Variants in ELFN1 observed in about 807,000 individuals in gnomAD.
The protein encoded by ELFN1 is protein ELFN1.
In ELFN1, 6 loss-of-function variants were observed where a neutral mutation model predicts 7.6. That is an observed-to-expected ratio of 0.79 (90% CI 0.43 to 1.56). ELFN1 has a LOEUF of 1.56. Ranked by LOEUF, ELFN1 falls within the 40% of genes most tolerant of loss-of-function variation. ELFN1 has a pLI of 0.01. For missense variants in ELFN1, 1,169 were observed against 1,232.2 expected (o/e 0.95, Z 0.77); for synonymous variants, 657 against 588.1 (o/e 1.12, Z -1.70).
intron 2 of ELFN1, among the ~76,000 whole-genome samples, chr7:1,696,939 A>G (rs1346141844): frequency 6.6e-6 from 1 of 152,182 alleles, no homozygotes; most frequent in Non-Finnish European, 1.5e-5. Context: ...GCCACAGGAA[A>G]TGACCACGAG....
chr7:1,690,271 G>A (rs1012619374), intron 2 of ELFN1, among the ~76,000 whole-genome samples: 3 of 151,382 alleles, frequency 2.0e-5, no homozygotes, highest in African/African-American at 7.3e-5. Flanking sequence ...AGGTGGGTGA[G>A]TGGGTAGGTG....
chr7:1,668,496 GC>G (rs1778705226), upstream of ELFN1, among the ~76,000 whole-genome samples: 1 of 152,236 alleles, frequency 6.6e-6, no homozygotes, highest in Admixed American at 6.5e-5. Context: ...ATAGGCTGGG[GC>G]CCGGAGCCCG....
chr7:1,678,410 G>A lies in ELFN1; in HGVS notation c.-549+8056G>A, dbSNP rs1005897048. On this transcript the variant is annotated intron_variant, in intron 1 of 3. Coordinates refer to ENST00000424383, the MANE Select transcript of ELFN1 (RefSeq NM_001128636.4). ...CATGTCAGTTGTGGGTAAGGCCCGC[G>A]CCACTGGGAATCTTCACACAGCCCG... 3.3e-5 allele frequency among the ~76,000 whole-genome samples: 5 copies of A among 152,192 alleles called. No individual in the cohort carries two copies. The East Asian group carries it at 7.7e-4, about 23-fold the overall frequency.
chr7:1,695,731 G>C lies in ELFN1; in HGVS notation c.-456+7581G>C, dbSNP rs1280917553. On this transcript the variant is annotated intron_variant, in intron 2 of 3. Coordinates refer to ENST00000424383, the MANE Select transcript of ELFN1 (RefSeq NM_001128636.4). The surrounding 1 kb of genome is among the most constrained non-coding windows in gnomAD (Gnocchi z 5.1). ...CCACTGCACTGCAGCCTGGGTGACA[G>C]AGCGAGACTCCGTGTCAAAAAAAAA... Among the ~76,000 whole-genome samples the C allele has an allele frequency of 7.7e-6, 1 of 130,390 alleles. No homozygotes were observed. The highest frequency in any genetic ancestry group is 8.9e-5 in the Admixed American group (1 of 11,270). 85.5% of individuals were successfully genotyped at this position (130,390 alleles called of 152,430 possible).
intron 2 of ELFN1, among the ~76,000 whole-genome samples, chr7:1,706,652 A>G (rs945191253): frequency 6.6e-6 from 1 of 152,170 alleles, no homozygotes; most frequent in Non-Finnish European, 1.5e-5. Context: ...GTTCAGAAGC[A>G]TGGGTTTCTA....
intron 1 of ELFN1, among the ~76,000 whole-genome samples, chr7:1,672,736 C>T (rs528830811): frequency 1.3e-5 from 2 of 152,150 alleles, no homozygotes; most frequent in South Asian, 2.1e-4. Flanking sequence ...CCCTTCCCCC[C>T]CGACAAGCCA....
At chr7:1,711,315 C>T (rs1304494185) in intron 3 of ELFN1, among the ~76,000 whole-genome samples, 1 of 152,060 alleles carries the variant, frequency 6.6e-6, no homozygotes, top group African/African-American at 2.4e-5. Context: ...GGAATGAACC[C>T]AGGGTGGGTC....
At chr7:1,706,421 CAAAAA>C (rs765908432) in intron 2 of ELFN1, among the ~76,000 whole-genome samples, 25 of 143,418 alleles carry the variant, frequency 1.7e-4, no homozygotes, top group African/African-American at 2.8e-5. Flanking sequence ...GACTCTGTCT[CAAAAA>C]AACAAAACAA....
intron 2 of ELFN1, among the ~76,000 whole-genome samples, chr7:1,689,072 T>G (rs1779109311): frequency 6.6e-6 from 1 of 152,252 alleles, no homozygotes; most frequent in South Asian, 2.1e-4. Flanking sequence ...ACTGTCAGTC[T>G]GCTGTGTAAA....
At chr7:1,709,405 C>T (rs1199808294) in intron 3 of ELFN1, among the ~76,000 whole-genome samples, 153 bp downstream of exon 3, 1 of 152,216 alleles carries the variant, frequency 6.6e-6, no homozygotes, top group African/African-American at 2.4e-5. Context: ...TAGGGATTGA[C>T]TCTTGTTCAA....
intron 2 of ELFN1, among the ~76,000 whole-genome samples, chr7:1,706,848 G>A (rs1417132771): frequency 1.3e-5 from 2 of 152,258 alleles, no homozygotes; most frequent in African/African-American, 4.8e-5. Flanking sequence ...AGGATGTTGG[G>A]TTAAAGCTCA....
chr7:1,693,726 C>T (rs1298073860), intron 2 of ELFN1: 3 of 471,006 alleles, frequency 6.4e-6, no homozygotes, highest in Non-Finnish European at 1.3e-5. Context: ...CACCCTCCCG[C>T]TCGTCCCCAT....
At chr7:1,736,599 C>G (rs1202473709) in intron 3 of ELFN1, among the ~76,000 whole-genome samples, 4 of 152,206 alleles carry the variant, frequency 2.6e-5, no homozygotes, top group Non-Finnish European at 4.4e-5. Flanking sequence ...TGGGGGACAG[C>G]GGGGTGCTCT....
chr7:1,716,959 G>T (rs1202268727), intron 3 of ELFN1, among the ~76,000 whole-genome samples: 1 of 152,180 alleles, frequency 6.6e-6, no homozygotes, highest in Non-Finnish European at 1.5e-5. Context: ...AGACAGGGCT[G>T]CTGTTTTTTC....
chr7:1,746,778 G>C lies in ELFN1; in HGVS notation c.2182G>C (p.Glu728Gln). 2 of 1,518,230 alleles carry C rather than the reference G, an allele frequency of 1.3e-6. No homozygotes were observed. The highest frequency in any genetic ancestry group is 2.1e-5 in the Admixed American group (1 of 47,584). 94.0% of individuals were successfully genotyped at this position (1,518,230 alleles called of 1,614,324 possible). A position where few individuals can be genotyped will look rare whatever the true frequency, so the allele number is the denominator to read the frequency against. Residue 728 changes from glutamate to glutamine, a missense_variant, in exon 4 of 4, where the codon GAG becomes CAG. Physicochemically the swap from Glu to Gln is conservative, Grantham distance 29. Transcript: ENST00000424383. ...PPGPPPPPPH[E>Q]GLGRKASILE... The stretch of plus-strand genomic sequence containing the variant: ...CGGGCCACCGCCGCCGCCTCCGCAC[G>C]AGGGCCTGGGGCGCAAGGCGTCCAT...
intron 1 of ELFN1, among the ~76,000 whole-genome samples, chr7:1,678,311 C>A (rs1253757855): frequency 6.6e-6 from 1 of 152,198 alleles, no homozygotes; most frequent in Non-Finnish European, 1.5e-5. Context: ...CCTGCCACGA[C>A]CACCCAGGGC....
intron 3 of ELFN1, among the ~76,000 whole-genome samples, chr7:1,723,089 G>T (rs1780073017): frequency 6.6e-6 from 1 of 152,190 alleles, no homozygotes; most frequent in Non-Finnish European, 1.5e-5. Context: ...AGCTACTCGG[G>T]AGGCTGAGGC....
chr7:1,732,961 C>T (rs923191457), intron 3 of ELFN1, among the ~76,000 whole-genome samples: 1 of 152,094 alleles, frequency 6.6e-6, no homozygotes, highest in African/African-American at 2.4e-5. Flanking sequence ...AGTGCAGTGG[C>T]ACAATGTCAG....
intron 3 of ELFN1, among the ~76,000 whole-genome samples, chr7:1,734,854 C>T (rs1780402730): frequency 1.3e-5 from 2 of 152,134 alleles, no homozygotes; most frequent in Non-Finnish European, 2.9e-5. Context: ...CACGCCACCA[C>T]ACCCGGCAAA....
Sources: allele counts gnomAD v4.1 joint callset (sites outside exome capture counted in the v4.1 genomes callset), GRCh38; gene constraint gnomAD v4.1.1; non-coding constraint Gnocchi (gnomAD v3.1); transcripts MANE v1.5; gene names NCBI Gene and HGNC (gene_info 2026-07-23, HGNC 2026-07-21).